The following PRKCG variants were observed in gnomAD, a reference collection of about 807,000 sequenced individuals.
The protein encoded by PRKCG is protein kinase C gamma.
A neutral mutation model predicts 82.0 loss-of-function variants in PRKCG; 28 were observed. That is an observed-to-expected ratio of 0.34 (90% CI 0.25 to 0.47). PRKCG has a LOEUF of 0.47. Ranked by LOEUF, PRKCG falls within the 20% of genes least tolerant of loss-of-function variation. The pLI is 1.00. For missense variants in PRKCG, 640 were observed against 952.7 expected (o/e 0.67, Z 4.32); for synonymous variants, 383 against 376.6 (o/e 1.02, Z -0.20).
intron 3 of PRKCG, among the ~76,000 whole-genome samples, chr19:53,886,373 G>C (rs1447561370): frequency 1.3e-5 from 2 of 151,934 alleles, no homozygotes; most frequent in Non-Finnish European, 2.9e-5. Context: ...CAAAGTGCTG[G>C]GATTACAGGC....
intron 6 of PRKCG, 65 bp downstream of exon 6, chr19:53,891,895 C>T: frequency 6.2e-7 from 1 of 1,605,150 alleles, no homozygotes; most frequent in Non-Finnish European, 8.5e-7. Context: ...TCCTAGTGGC[C>T]CCCAGAGAGC....
intron 3 of PRKCG, among the ~76,000 whole-genome samples, chr19:53,885,212 T>C (rs1253648547): frequency 6.6e-6 from 1 of 152,176 alleles, no homozygotes; most frequent in Non-Finnish European, 1.5e-5. Flanking sequence ...GTCATTTGAA[T>C]TGGCTTAAAT....
At chr19:53,897,909 C>T (rs765876752) in intron 9 of PRKCG, 50 bp from the exon 10 acceptor site, 2 of 1,611,740 alleles carry the variant, frequency 1.2e-6, no homozygotes, top group South Asian at 1.1e-5. Flanking sequence ...ATTTCCTTAT[C>T]GCTGTGTAAG....
intron 16 of PRKCG, 33 bp from the exon 17 acceptor site, chr19:53,906,284 T>TTGTC (rs1568764253): frequency 1.3e-6 from 2 of 1,550,618 alleles, no homozygotes; most frequent in Middle Eastern, 1.7e-4. Context: ...CTCTGTCTGT[T>TTGTC]TGTCTGTCTG....
Position 53,889,935 on chromosome 19 carries a change from GTGCGGTGTGGACC to G in PRKCG, c.448_460del (p.Cys150ThrfsTer22). 1.3e-6 allele frequency: 2 copies of G among 1,582,298 alleles called. No individual in the cohort carries two copies. Among genetic ancestry groups the G allele is most frequent in the Non-Finnish European group, 1.7e-6 (2 of 1,165,188 alleles). ...GCTGTGTGCGTAGCGTGCCCTCCCT[GTGCGGTGTGGACC>G]ACACCGAGCGCCGCGGGCGCCTGCA... On this transcript the variant is annotated frameshift_variant, in exon 5 of 18. Transcript: ENST00000263431. LOFTEE classifies it high-confidence loss of function. This position sits in a 1 kb window ranked among gnomAD's most constrained non-coding sequence, Gnocchi z 4.4.
chr19:53,891,898 C>T, intron 6 of PRKCG, 68 bp downstream of exon 6: 1 of 1,599,714 alleles, frequency 6.3e-7, no homozygotes, highest in Non-Finnish European at 8.6e-7. Context: ...TAGTGGCCCC[C>T]AGAGAGCAGC....
At chr19:53,906,028 T>TCCTCCTCCTCCTC (rs1419430079) in intron 16 of PRKCG, among the ~76,000 whole-genome samples, 4 of 71,056 alleles carry the variant, frequency 5.6e-5, no homozygotes, top group African/African-American at 2.8e-4. Flanking sequence ...TCTGTCTCCC[T>TCCTCCTCCTCCTC]CCTCCTCCTC....
Position 53,900,900 on chromosome 19 carries a change from G to A in PRKCG, c.1575+151G>A. ...CAGCCAGTCGTTCCTCCAGCCTCCA[G>A]CACAGGTGAGCTTGGCACTGAGCCT... On this transcript the variant is annotated intron_variant, in intron 14 of 17. Transcript: ENST00000263431. The surrounding 1 kb of genome is among the most constrained non-coding windows in gnomAD (Gnocchi z 4.2). 7.2e-7 allele frequency: 1 copy of A among 1,386,834 alleles called. No individual in the cohort carries two copies. Among genetic ancestry groups the A allele is most frequent in the Non-Finnish European group, 1.0e-6 (1 of 991,982 alleles). 85.9% of individuals were successfully genotyped at this position (1,386,834 alleles called of 1,614,324 possible). A position where few individuals can be genotyped will look rare whatever the true frequency, so the allele number is the denominator to read the frequency against.
In PRKCG at chr19:53,883,041, G is replaced by C; in HGVS notation, c.171-122G>C. ...TGGGTTCTAGAAAGAGGAGGTGGCC[G>C]GGGCTTGGACACCTGGGCCCTGCGG... On this transcript the variant is annotated intron_variant, in intron 1 of 17. Coordinates refer to ENST00000263431, the MANE Select transcript of PRKCG (RefSeq NM_002739.5). This position sits in a 1 kb window ranked among gnomAD's most constrained non-coding sequence, Gnocchi z 5.4. 1 of 1,293,158 alleles carries C rather than the reference G, an allele frequency of 7.7e-7. No homozygotes were observed. The highest frequency in any genetic ancestry group is 1.1e-6 in the Non-Finnish European group (1 of 893,220). 80.1% of individuals were successfully genotyped at this position (1,293,158 alleles called of 1,614,324 possible).
chr19:53,894,446 TTTTC>T (rs200682106), intron 9 of PRKCG, among the ~76,000 whole-genome samples: 10,869 of 149,764 alleles, frequency 0.073, 735 homozygotes, highest in African/African-American at 0.19. Context: ...ATATCCTTCT[TTTTC>T]TTTCTTTCTT....
chr19:53,893,495 C>T, intron 9 of PRKCG, 104 bp downstream of exon 9: 1 of 1,268,072 alleles, frequency 7.9e-7, no homozygotes, highest in Non-Finnish European at 1.1e-6. Flanking sequence ...ATGAGTTGAG[C>T]ACACATTTGT....
rs2068731781 is a variant in PRKCG, at chr19:53,898,204, TG to T, written c.1092+96del. 6 of 1,523,838 alleles carry T rather than the reference TG, an allele frequency of 3.9e-6. No individual in the cohort carries two copies. The Admixed American group carries it at 5.8e-5, about 15-fold the overall frequency. The allele number at this position is 1,523,838 out of a possible 1,614,324, so 94.4% of individuals were successfully genotyped here. A position where few individuals can be genotyped will look rare whatever the true frequency, so the allele number is the denominator to read the frequency against. On this transcript the variant is annotated intron_variant, in intron 10 of 17. Transcript: ENST00000263431. ...GGAGGAAGTGGGGGTGGGAAGAGAC[TG>T]GGCTCCTGCATCTTCAAATATGGTT...
intron 17 of PRKCG, 95 bp downstream of exon 17, chr19:53,906,552 T>G (rs1323161587): frequency 6.4e-7 from 1 of 1,564,048 alleles, no homozygotes; most frequent in Non-Finnish European, 8.7e-7. Flanking sequence ...GGGTTCCCTC[T>G]GCAGAGCCCC....
chr19:53,907,247 C>T lies in PRKCG; in HGVS notation c.*352C>T, dbSNP rs1414457798. 4 of 379,554 alleles carry T rather than the reference C, an allele frequency of 1.1e-5. No individual in the cohort carries two copies. Among genetic ancestry groups the T allele is most frequent in the Non-Finnish European group, 2.0e-5 (4 of 202,306 alleles). The allele number at this position is 379,554 out of a possible 1,614,324, so 23.5% of individuals were successfully genotyped here. On this transcript the variant is annotated 3_prime_UTR_variant, in exon 18 of 18. Coordinates refer to ENST00000263431, the MANE Select transcript of PRKCG (RefSeq NM_002739.5). ...TAGTTCTGTGCCTCCCCCCAGACCC[C>T]GCCCCTGGGGAAATAGCCTCACGGG...
chr19:53,890,036 G>A lies in PRKCG; in HGVS notation c.529+19G>A, dbSNP rs911948396. On this transcript the variant is annotated intron_variant, in intron 5 of 17. Coordinates refer to ENST00000263431, the MANE Select transcript of PRKCG (RefSeq NM_002739.5). ...GTAACTGGTGAGGCCCCGCCCCCTC[G>A]CCTGGCCCCGCCCCCTCCCCAAGTG... is the stretch of plus-strand genomic sequence containing the variant. The A allele has an allele frequency of 1.9e-6, 3 of 1,546,700 alleles. No individual in the cohort carries two copies. The highest frequency in any genetic ancestry group is 1.9e-5 in the Admixed American group (1 of 51,310).
chr19:53,884,363 TA>T lies in PRKCG; in HGVS notation c.285+121del. ...TGGGAGGGGAGGGGGGCTGGAGAGA[TA>T]GGGGGAGCTATCTGGCCCAGATTCC... On this transcript the variant is annotated intron_variant, in intron 3 of 17. Coordinates refer to ENST00000263431, the MANE Select transcript of PRKCG (RefSeq NM_002739.5). This position sits in a 1 kb window ranked among gnomAD's most constrained non-coding sequence, Gnocchi z 4.6. The T allele has an allele frequency of 3.1e-6, 3 of 964,304 alleles. No homozygotes were observed. The highest frequency in any genetic ancestry group is 1.3e-5 in the South Asian group (1 of 75,830). 59.7% of individuals were successfully genotyped at this position (964,304 alleles called of 1,614,324 possible).
chr19:53,899,130 T>C (rs2068743193), intron 11 of PRKCG, among the ~76,000 whole-genome samples: 1 of 123,658 alleles, frequency 8.1e-6, no homozygotes, highest in Non-Finnish European at 1.7e-5. Context: ...GTCGGGCGGA[T>C]GAGCTCCTCG....
chr19:53,887,497 CAAAAAAAAAAAAAAAAAAAAAAA>C (rs71189894), intron 3 of PRKCG, among the ~76,000 whole-genome samples: 2 of 14,678 alleles, frequency 1.4e-4, no homozygotes, highest in African/African-American at 1.9e-4. Context: ...AACTCTGTCT[CAAAAAAAAAAAAAAAAAAAAAAA>C]AAAAAAAAAA....
chr19:53,900,582 T>C lies in PRKCG; in HGVS notation c.1437-29T>C, dbSNP rs1367665660. 4 of 1,614,082 alleles carry C rather than the reference T, an allele frequency of 2.5e-6. No individual in the cohort carries two copies. The African/African-American group carries it at 5.3e-5, about 22-fold the overall frequency. On this transcript the variant is annotated intron_variant, in intron 13 of 17. Transcript: ENST00000263431. The surrounding 1 kb of genome is among the most constrained non-coding windows in gnomAD (Gnocchi z 4.2). ...CTGCTGAACTCAACACTTCTTGCAA[T>C]TCCTGCCCCACACCCCTGCATCGTC... is the stretch of plus-strand genomic sequence containing the variant.
Sources: allele counts gnomAD v4.1 joint callset (sites outside exome capture counted in the v4.1 genomes callset), GRCh38; gene constraint gnomAD v4.1.1; non-coding constraint Gnocchi (gnomAD v3.1); transcripts MANE v1.5; gene names NCBI Gene and HGNC (gene_info 2026-07-23, HGNC 2026-07-21).